The following SH3BGRL2 variants were observed in gnomAD, a reference collection of about 807,000 sequenced individuals.
SH3BGRL2 encodes SH3 domain-binding glutamic acid-rich-like protein 2.
Under a neutral mutation model 14.8 loss-of-function variants are expected in SH3BGRL2, and 21 were observed. The ratio of observed to expected loss-of-function variants is 1.42; its 90% CI spans 1.01 to 2.05. The LOEUF is 2.05. Ranked by LOEUF, SH3BGRL2 falls within the 30% of genes most tolerant of loss-of-function variation. The pLI is 0.00. For synonymous variants in SH3BGRL2, 50 were observed against 47.8 expected (o/e 1.05, Z -0.19); for missense variants, 147 against 130.8 (o/e 1.12, Z -0.61).
the SH3BGRL2 span, among the ~76,000 whole-genome samples, chr6:79,591,330 T>G: frequency 6.6e-6 from 1 of 152,206 alleles, no homozygotes; most frequent in Non-Finnish European, 1.5e-5. Flanking sequence ...TCTAATCTTT[T>G]TATATGGAAA....
rs978924466 is a variant in SH3BGRL2 at position 79,701,188 on chromosome 6, GGTTA to G, written c.*1683_*1686del. On this transcript the variant is annotated 3_prime_UTR_variant, in exon 4 of 4. Coordinates refer to ENST00000369838, the MANE Select transcript of SH3BGRL2 (RefSeq NM_031469.4). ...CTGTTGTCAAATTATGGATATTACT[GGTTA>G]GTTGTCATTAAGTAAGATCCAGGTC... 53 of 152,056 alleles carry G rather than the reference GGTTA, an allele frequency of 3.5e-4. No homozygotes were observed. Among genetic ancestry groups the G allele is most frequent in the African/African-American group, 1.2e-3 (51 of 41,400 alleles). 9.4% of individuals were successfully genotyped at this position (152,056 alleles called of 1,614,324 possible).
chr6:79,606,826 C>CT, the SH3BGRL2 span, among the ~76,000 whole-genome samples: 25 of 147,344 alleles, frequency 1.7e-4, no homozygotes, highest in Admixed American at 4.1e-4. Context: ...TGCTTTCTTT[C>CT]TTTTTTTTTT....
At chr6:79,598,954 G>A in the SH3BGRL2 span, among the ~76,000 whole-genome samples, 22 of 151,924 alleles carry the variant, frequency 1.4e-4, no homozygotes, top group Admixed American at 3.9e-4. Flanking sequence ...GGTGGCACAT[G>A]CCTGTAATTG....
the SH3BGRL2 span, among the ~76,000 whole-genome samples, chr6:79,615,849 T>TTTTG: frequency 2.1e-5 from 3 of 144,944 alleles, no homozygotes; most frequent in South Asian, 2.2e-4. Flanking sequence ...TTTTTTTTTT[T>TTTTG]AGACAAGAGT....
the SH3BGRL2 span, among the ~76,000 whole-genome samples, chr6:79,578,573 A>G: frequency 1.2e-4 from 18 of 152,346 alleles, no homozygotes; most frequent in Admixed American, 2.6e-4. Context: ...TGTTAGAAGG[A>G]AAACTAACAA....
the SH3BGRL2 span, chr6:79,553,151 G>GA: frequency 1.3e-5 from 2 of 152,298 alleles, no homozygotes; most frequent in African/African-American, 4.8e-5. Context: ...AATGCAGAAA[G>GA]AAAACACAGG....
intron 2 of SH3BGRL2, 70 bp from the exon 3 acceptor site, chr6:79,696,415 T>C: frequency 3.4e-6 from 4 of 1,167,904 alleles, no homozygotes; most frequent in Non-Finnish European, 4.9e-6. Context: ...AAAGAATTTG[T>C]TCAAAGTACC....
At chr6:79,693,376 C>T (rs1344590651) in intron 2 of SH3BGRL2, among the ~76,000 whole-genome samples, 2 of 151,374 alleles carry the variant, frequency 1.3e-5, no homozygotes, top group Non-Finnish European at 3.0e-5. Flanking sequence ...TTGCCCTGGC[C>T]AGGACTTCCA....
At position 79,700,898 on chromosome 6, in the gene SH3BGRL2, A is replaced by G. The variant is rs1417994328; in HGVS notation, c.*1389A>G. ...GGGCTGCCTAAAATATTTTATTTCT[A>G]GCATCCTGATTCTGGACTTTTCATT... On this transcript the variant is annotated 3_prime_UTR_variant, in exon 4 of 4. Transcript: ENST00000369838. The G allele has an allele frequency of 1.3e-5, 2 of 152,174 alleles. No homozygotes were observed. The highest frequency in any genetic ancestry group is 1.3e-4 in the Admixed American group (2 of 15,282). 9.4% of individuals were successfully genotyped at this position (152,174 alleles called of 1,614,324 possible).
intron 1 of SH3BGRL2, among the ~76,000 whole-genome samples, chr6:79,645,090 A>G (rs1053283454): frequency 6.8e-6 from 1 of 148,134 alleles, no homozygotes; most frequent in African/African-American, 2.5e-5. Flanking sequence ...AACCCAGGAG[A>G]TGGAGTAGGT....
At chr6:79,564,326 G>T in the SH3BGRL2 span, among the ~76,000 whole-genome samples, 9 of 152,148 alleles carry the variant, frequency 5.9e-5, no homozygotes, top group Admixed American at 5.9e-4. Context: ...ATGACTTTAT[G>T]CCTGGCAGAG....
At chr6:79,598,213 C>T in the SH3BGRL2 span, among the ~76,000 whole-genome samples, 99 of 152,054 alleles carry the variant, frequency 6.5e-4, 1 homozygote, top group Non-Finnish European at 5.9e-5. Flanking sequence ...CATAGAGTCA[C>T]GACATGACTC....
chr6:79,626,772 C>T (rs1160947913), upstream of SH3BGRL2, among the ~76,000 whole-genome samples: 21 of 152,166 alleles, frequency 1.4e-4, no homozygotes, highest in Non-Finnish European at 1.5e-5. Context: ...GGTGCCCACC[C>T]TATGCACAAA....
chr6:79,560,867 CTTTTTTTT>C, the SH3BGRL2 span, among the ~76,000 whole-genome samples: 1 of 45,744 alleles, frequency 2.2e-5, no homozygotes, highest in East Asian at 5.6e-4. Flanking sequence ...ACAATACACT[CTTTTTTTT>C]TTTTTTTTTT....
chr6:79,643,494 G>C (rs537751359), intron 1 of SH3BGRL2, among the ~76,000 whole-genome samples: 3 of 152,238 alleles, frequency 2.0e-5, no homozygotes, highest in Non-Finnish European at 4.4e-5. Flanking sequence ...TCATGTGATA[G>C]CAATGGCTTT....
chr6:79,637,092 A>C (rs1185217812), intron 1 of SH3BGRL2, among the ~76,000 whole-genome samples: 1 of 152,204 alleles, frequency 6.6e-6, no homozygotes, highest in Non-Finnish European at 1.5e-5. Context: ...ACTTAAAGGC[A>C]GCAGTGGGAT....
chr6:79,685,344 T>A (rs1290255138), intron 2 of SH3BGRL2, among the ~76,000 whole-genome samples: 1 of 152,188 alleles, frequency 6.6e-6, no homozygotes, highest in Non-Finnish European at 1.5e-5. Flanking sequence ...AACAAAACTG[T>A]TAAGACAATC....
chr6:79,578,902 G>C, the SH3BGRL2 span, among the ~76,000 whole-genome samples: 1 of 152,056 alleles, frequency 6.6e-6, no homozygotes, highest in Non-Finnish European at 1.5e-5. Flanking sequence ...TAAAAACCTT[G>C]AAAAAAGATT....
intron 2 of SH3BGRL2, among the ~76,000 whole-genome samples, chr6:79,684,646 G>A (rs1770057151): frequency 6.6e-6 from 1 of 152,172 alleles, no homozygotes; most frequent in Non-Finnish European, 1.5e-5. Context: ...AAGCCAGACT[G>A]TGCGCATTCC....
Sources: allele counts gnomAD v4.1 joint callset (sites outside exome capture counted in the v4.1 genomes callset), GRCh38; gene constraint gnomAD v4.1.1; transcripts MANE v1.5; gene names NCBI Gene and HGNC (gene_info 2026-07-23, HGNC 2026-07-21).